Variants in SCG3 observed in about 807,000 individuals in gnomAD.
SCG3 encodes the protein secretogranin III, also known as secretogranin-3.
A neutral mutation model predicts 56.2 loss-of-function variants in SCG3; 38 were observed. The ratio of observed to expected loss-of-function variants is 0.68; its 90% confidence interval spans 0.52 to 0.89. The LOEUF (loss-of-function observed/expected upper bound fraction) is 0.89. SCG3 is among the 40% of genes least tolerant of loss of function. The pLI is 0.00. For synonymous variants in SCG3, 176 were observed against 184.2 expected, an observed-to-expected ratio of 0.96 and a Z score of 0.36; for missense variants, 524 against 540.7, an observed-to-expected ratio of 0.97 and a Z score of 0.31.
intron 10 of SCG3, among the ~76,000 whole-genome samples, chr15:51,704,244 C>CATACATATATACATATATATAT (rs751546589): frequency 1.4e-5 from 1 of 73,600 alleles, no homozygotes; most frequent in Non-Finnish European, 2.6e-5. Flanking sequence ...TACATACATA[C>CATACATATATACATATATATAT]ATATATATAT....
chr15:51,691,339 T>TACATGATCAGATTG (rs2055265851), intron 6 of SCG3, among the ~76,000 whole-genome samples: 3 of 152,216 alleles, frequency 2.0e-5, no homozygotes, highest in African/African-American at 4.8e-5. Flanking sequence ...CCTGAAGAAT[T>TACATGATCAGATTG]TTAAGCAAAG....
rs1567220891 is a variant in SCG3 at position 51,704,264 on chromosome 15, TATATATATATATATAA to T, written c.1207+3022_1207+3037del. On this transcript the variant is annotated intron_variant, in intron 10 of 11. Coordinates refer to ENST00000220478, the MANE Select transcript of SCG3 (RefSeq NM_013243.4). The stretch of plus-strand genomic sequence containing the variant: ...ACATACATATATATATATATATATA[TATATATATATATATAA>T]AATAGCTCTTTTTTGAAATTGTGGT... Among the ~76,000 whole-genome samples, 1,107 of 137,534 alleles carry T rather than the reference TATATATATATATATAA, an allele frequency of 8.0e-3. 13 individuals are homozygous for T. Among genetic ancestry groups the T allele is most frequent in the African/African-American group, 0.027 (949 of 35,480 alleles). 90.2% of individuals were successfully genotyped at this position (137,534 alleles called of 152,430 possible). A position where few individuals can be genotyped will look rare whatever the true frequency, so the allele number is the denominator to read the frequency against.
At chr15:51,704,931 A>C (rs1472328528) in intron 10 of SCG3, among the ~76,000 whole-genome samples, 1 of 151,622 alleles carries the variant, frequency 6.6e-6, no homozygotes, top group Non-Finnish European at 1.5e-5. Context: ...GCACCATTTT[A>C]AATTTCTACC....
chr15:51,689,431 G>T, intron 6 of SCG3, 63 bp downstream of exon 6: 2 of 1,471,706 alleles, frequency 1.4e-6, no homozygotes, highest in East Asian at 2.5e-5. Context: ...GTGTGTGTGT[G>T]TACTTCTATC....
At chr15:51,681,888 A>G (rs746129733) in intron 1 of SCG3, 51 bp downstream of exon 1, 22 of 1,506,956 alleles carry the variant, frequency 1.5e-5, no homozygotes, top group Non-Finnish European at 1.9e-5. Flanking sequence ...CGCCACGAAA[A>G]GGTAAAGTTT....
At position 51,699,405 on chromosome 15, in the gene SCG3, A is replaced by C. The variant is rs781147766; in HGVS notation, c.1069+3A>C. 51 of 1,576,286 alleles carry C rather than the reference A, an allele frequency of 3.2e-5. No homozygotes were observed. The East Asian group carries it at 1.1e-3, about 35-fold the overall frequency. The stretch of plus-strand genomic sequence containing the variant: ...CAATATAAGCAAGCTTTTCCCAGGT[A>C]TGATTATTTAACTATTTTTTTAGCC... On this transcript the variant is annotated splice_donor_region_variant and intron_variant, in intron 9 of 11. Coordinates refer to ENST00000220478, the MANE Select transcript of SCG3 (RefSeq NM_013243.4).
intron 1 of SCG3, 58 bp downstream of exon 1, chr15:51,681,895 G>A (rs2055197112): frequency 1.4e-6 from 2 of 1,427,278 alleles, no homozygotes; most frequent in Non-Finnish European, 2.0e-6. Context: ...AAAAGGTAAA[G>A]TTTGGCATAA....
intron 1 of SCG3, 22 bp from the exon 2 acceptor site, chr15:51,682,495 T>C: frequency 7.6e-7 from 1 of 1,313,702 alleles, no homozygotes; most frequent in Non-Finnish European, 1.1e-6. Flanking sequence ...ATTAAATTTA[T>C]ATTCACATGT....
chr15:51,693,956 T>C (rs191192583), intron 7 of SCG3: 1 of 152,372 alleles, frequency 6.6e-6, no homozygotes, highest in Non-Finnish European at 1.5e-5. Context: ...AATAATGTGA[T>C]AGCTGAAGTT....
chr15:51,699,394 T>G lies in SCG3; in HGVS notation c.1061T>G (p.Leu354Arg). ...EKNATDNISKLFPAPSEKSHE... is the reference protein window; with the variant it reads ...EKNATDNISKRFPAPSEKSHE... ...AATGCTACTGACAATATAAGCAAGC[T>G]TTTCCCAGGTATGATTATTTAACTA... is the stretch of plus-strand genomic sequence containing the variant. Residue 354 changes from leucine to arginine, a missense_variant, in exon 9 of 12, where the codon CTT becomes CGT. Coordinates refer to ENST00000220478, the MANE Select transcript of SCG3 (RefSeq NM_013243.4). The G allele has an allele frequency of 1.3e-6, 2 of 1,597,614 alleles. No homozygotes were observed. The highest frequency in any genetic ancestry group is 8.5e-7 in the Non-Finnish European group (1 of 1,169,704).
At chr15:51,690,110 C>A (rs1300900443) in intron 6 of SCG3, among the ~76,000 whole-genome samples, 1 of 152,128 alleles carries the variant, frequency 6.6e-6, no homozygotes, top group Non-Finnish European at 1.5e-5. Flanking sequence ...TTGACTAGAT[C>A]TTCTGCTACA....
chr15:51,718,247 G>A (rs1384345641), intron 11 of SCG3, among the ~76,000 whole-genome samples: 1 of 150,158 alleles, frequency 6.7e-6, no homozygotes, highest in Non-Finnish European at 1.5e-5. Flanking sequence ...GATGTCATAG[G>A]GTATAACCTC....
At chr15:51,696,858 A>G (rs1021782613) in intron 8 of SCG3, among the ~76,000 whole-genome samples, 2 of 152,160 alleles carry the variant, frequency 1.3e-5, no homozygotes, top group African/African-American at 4.8e-5. Flanking sequence ...ACCTCCCACC[A>G]GGCCCCACCT....
rs560238123 is a variant in SCG3 at position 51,713,137 on chromosome 15, G to C, written c.1208-196G>C. 94 of 386,330 alleles carry C rather than the reference G, an allele frequency of 2.4e-4. 1 individual carries two copies. The South Asian group carries it at 2.6e-3, about 11-fold the overall frequency. The allele number at this position is 386,330 out of a possible 1,614,324, so 23.9% of individuals were successfully genotyped here. On this transcript the variant is annotated intron_variant, in intron 10 of 11. Coordinates refer to ENST00000220478, the MANE Select transcript of SCG3 (RefSeq NM_013243.4). ...TCCTCCTGGAACCTCATCCGCACCTGCTCTCCTTGACCTAAACCCCTCAAC... is the reference window on the plus strand; with the variant it reads ...TCCTCCTGGAACCTCATCCGCACCTCCTCTCCTTGACCTAAACCCCTCAAC...
chr15:51,693,846 G>A (rs1199626604), intron 7 of SCG3: 1 of 152,252 alleles, frequency 6.6e-6, no homozygotes, highest in Admixed American at 6.5e-5. Flanking sequence ...TTGGTTGGCA[G>A]ATGCCCTACT....
chr15:51,682,034 A>G (rs2055198147), intron 1 of SCG3, among the ~76,000 whole-genome samples, 197 bp downstream of exon 1: 1 of 152,226 alleles, frequency 6.6e-6, no homozygotes, highest in African/African-American at 2.4e-5. Context: ...ATGATAGAGC[A>G]ATAATATGGG....
chr15:51,709,685 ATATATATATATATATATTTTTTTTT>A (rs2055401423), intron 10 of SCG3, among the ~76,000 whole-genome samples: 2 of 14,044 alleles, frequency 1.4e-4, no homozygotes, highest in South Asian at 2.3e-3. Context: ...ATATATATAT[ATATATATATATATATATTTTTTTTT>A]TTTTTTTTTT....
At chr15:51,709,507 G>T (rs1297700983) in intron 10 of SCG3, among the ~76,000 whole-genome samples, 1 of 149,732 alleles carries the variant, frequency 6.7e-6, no homozygotes, top group Non-Finnish European at 1.5e-5. Context: ...AATGACATAT[G>T]GATGTAGTAT....
intron 7 of SCG3, among the ~76,000 whole-genome samples, chr15:51,694,839 TGG>T (rs765374600): frequency 4.5e-4 from 68 of 152,272 alleles, no homozygotes; most frequent in African/African-American, 1.3e-3. Flanking sequence ...GAGACCATCC[TGG>T]CCAACATGGT....
Sources: allele counts gnomAD v4.1 joint callset (sites outside exome capture counted in the v4.1 genomes callset), GRCh38; gene constraint gnomAD v4.1.1; transcripts MANE v1.5; gene names NCBI Gene and HGNC (gene_info 2026-07-23, HGNC 2026-07-21).